The following PEAK1 variants were observed in gnomAD, a reference collection of about 807,000 sequenced individuals.
The protein encoded by PEAK1 is inactive tyrosine-protein kinase PEAK1.
In PEAK1, 54 loss-of-function variants were observed where a neutral mutation model predicts 124.7. The ratio of observed to expected loss-of-function variants is 0.43; its 90% confidence interval spans 0.35 to 0.54. PEAK1 has a LOEUF of 0.54. Ranked by LOEUF, PEAK1 falls within the 20% of genes least tolerant of loss-of-function variation. The pLI is 0.01. For missense variants in PEAK1, 2,046 were observed against 2,134.5 expected (o/e 0.96, Z 0.82); for synonymous variants, 719 against 760.0 (o/e 0.95, Z 0.89).
intron 2 of PEAK1, among the ~76,000 whole-genome samples, chr15:77,322,081 C>T (rs1173323922): frequency 5.3e-5 from 8 of 152,030 alleles, no homozygotes; most frequent in Admixed American, 2.0e-4. Flanking sequence ...TTGAAACCAA[C>T]GAGAACAAAG....
intron 5 of PEAK1, among the ~76,000 whole-genome samples, chr15:77,259,559 C>T (rs1436708404): frequency 1.3e-5 from 2 of 152,122 alleles, no homozygotes; most frequent in African/African-American, 4.8e-5. Flanking sequence ...TTCTTGGGAG[C>T]TTCTGAATTC....
intron 2 of PEAK1, among the ~76,000 whole-genome samples, chr15:77,340,177 T>G (rs147873606): frequency 1.3e-5 from 2 of 152,336 alleles, no homozygotes; most frequent in Non-Finnish European, 2.9e-5. Flanking sequence ...CATGCAAATG[T>G]TTATAGAAGT....
intron 2 of PEAK1, among the ~76,000 whole-genome samples, chr15:77,339,275 T>G (rs958829100): frequency 2.1e-4 from 32 of 151,976 alleles, no homozygotes; most frequent in East Asian, 1.9e-4. Flanking sequence ...CACACCCAGC[T>G]AGTTTTTTTG....
intron 5 of PEAK1, among the ~76,000 whole-genome samples, chr15:77,279,938 CAA>C (rs1426808807): frequency 6.6e-6 from 1 of 151,948 alleles, no homozygotes; most frequent in Non-Finnish European, 1.5e-5. Flanking sequence ...AGATTTTGAC[CAA>C]AAAGGGAAAG....
At chr15:77,139,120 A>C (rs1433581756) in intron 8 of PEAK1, among the ~76,000 whole-genome samples, 2 of 152,134 alleles carry the variant, frequency 1.3e-5, no homozygotes, top group Non-Finnish European at 2.9e-5. Flanking sequence ...AAAAAGCACC[A>C]TGTGAAGACA....
chr15:77,415,241 G>A (rs1260298673), intron 1 of PEAK1, among the ~76,000 whole-genome samples: 1 of 152,182 alleles, frequency 6.6e-6, no homozygotes, highest in Non-Finnish European at 1.5e-5. Context: ...TCCTAGTCAT[G>A]TAACTAACAA....
chr15:77,149,086 G>C lies in PEAK1; in HGVS notation c.3331+9417C>G, dbSNP rs191858856. ...TCACTATTCCTTCATTTTGGATGAGGAAATTGAAGCTCAGGGATGTTAAAT... is the reference window on the plus strand; with the variant it reads ...TCACTATTCCTTCATTTTGGATGAGCAAATTGAAGCTCAGGGATGTTAAAT... On this transcript the variant is annotated intron_variant, in intron 8 of 9. Coordinates refer to ENST00000682557, the MANE Select transcript of PEAK1 (RefSeq NM_001385026.1). Among the ~76,000 whole-genome samples, 6 of 152,272 alleles carry C rather than the reference G, an allele frequency of 3.9e-5. No individual in the cohort carries two copies. The South Asian group carries it at 1.2e-3, about 32-fold the overall frequency.
intron 8 of PEAK1, among the ~76,000 whole-genome samples, chr15:77,142,596 G>A (rs1309051088): frequency 2.0e-5 from 3 of 152,136 alleles, no homozygotes; most frequent in African/African-American, 7.2e-5. Flanking sequence ...ATTAAATGTG[G>A]TACACCCATA....
intron 7 of PEAK1, among the ~76,000 whole-genome samples, chr15:77,176,093 G>T (rs1348989622): frequency 6.6e-6 from 1 of 151,742 alleles, no homozygotes; most frequent in Non-Finnish European, 1.5e-5. Context: ...CACACTCTGT[G>T]GACTGTTGTG....
At chr15:77,256,079 A>T (rs1224289567) in intron 5 of PEAK1, among the ~76,000 whole-genome samples, 1 of 152,152 alleles carries the variant, frequency 6.6e-6, no homozygotes, top group African/African-American at 2.4e-5. Context: ...CTTTCTGTTC[A>T]TGAGTACCCA....
intron 2 of PEAK1, among the ~76,000 whole-genome samples, chr15:77,329,306 A>T (rs1406529865): frequency 6.6e-6 from 1 of 152,146 alleles, no homozygotes; most frequent in Non-Finnish European, 1.5e-5. Flanking sequence ...ATATTACAGG[A>T]CTCAACCTTA....
intron 5 of PEAK1, among the ~76,000 whole-genome samples, chr15:77,266,708 AG>A (rs2061753526): frequency 6.6e-6 from 1 of 152,226 alleles, no homozygotes; most frequent in African/African-American, 2.4e-5. Context: ...AATGGTAGAT[AG>A]AAGGCAGGAC....
rs1366257522 is a variant in PEAK1 at position 77,114,128 on chromosome 15, T to C, written c.*28A>G. On this transcript the variant is annotated 3_prime_UTR_variant, in exon 10 of 10. Transcript: ENST00000682557. ...ATGGGTGACATGAAGAAGGTGAAGA[T>C]GTAGTAAAAGCATCATCCAGGTACA... 5.0e-6 allele frequency: 8 copies of C among 1,598,962 alleles called. No individual in the cohort carries two copies. Among genetic ancestry groups the C allele is most frequent in the Admixed American group, 1.7e-5 (1 of 59,648 alleles).
chr15:77,264,379 C>G (rs2061604741), intron 5 of PEAK1, among the ~76,000 whole-genome samples: 1 of 152,158 alleles, frequency 6.6e-6, no homozygotes, highest in Admixed American at 6.5e-5. Flanking sequence ...CCAAAATCTC[C>G]TAAAGCTGAT....
At chr15:77,402,510 G>A in intron 1 of PEAK1, 1 of 958,662 alleles carries the variant, frequency 1.0e-6, no homozygotes, top group South Asian at 4.8e-5. Flanking sequence ...AAAATTATTA[G>A]TATATAATTA....
At chr15:77,274,430 A>G (rs1171454807) in intron 5 of PEAK1, among the ~76,000 whole-genome samples, 2 of 152,048 alleles carry the variant, frequency 1.3e-5, no homozygotes, top group Non-Finnish European at 2.9e-5. Flanking sequence ...GAAAAAAAAA[A>G]TCCCATCAAG....
intron 8 of PEAK1, chr15:77,155,818 T>A (rs1290326923): frequency 2.0e-5 from 3 of 153,534 alleles, no homozygotes; most frequent in African/African-American, 7.2e-5. Flanking sequence ...GAACAGTGGA[T>A]TTTGGTGACC....
Position 77,133,151 on chromosome 15 carries a change from C to T in PEAK1, c.3931G>A (p.Ala1311Thr). 6.2e-7 allele frequency: 1 copy of T among 1,614,194 alleles called. No individual in the cohort carries two copies. The highest frequency in any genetic ancestry group is 2.2e-5 in the East Asian group (1 of 44,886). Residue 1311 changes from alanine to threonine, a missense_variant, in exon 9 of 10, where the codon GCT becomes ACT. Coordinates refer to ENST00000682557, the MANE Select transcript of PEAK1 (RefSeq NM_001385026.1). This position sits in a 1 kb window ranked among gnomAD's most constrained non-coding sequence, Gnocchi z 4.2. ...LAVKCEDLFM[A>T]GQKDQLRFGV... ...AAACGGAGCTGGTCTTTCTGCCCAG[C>T]CATGAAAAGGTCTTCGCATTTAACA...
rs1256557914 is a variant in PEAK1, at chr15:77,180,265, T to G, written c.1662A>C (p.Gly554=). The stretch of plus-strand genomic sequence containing the variant: ...TCCTTGGAGGAACATTTGGTCCAGT[T>G]CCACTAGTAATTAGTTCTACTTTAG... ...KIPKVELITS[G]TGPNVPPRKN... is the part of the protein sequence containing the mutation. The change falls in exon 7 of 10, where the codon GGA becomes GGC. Residue 554 remains glycine, a synonymous_variant. Coordinates refer to ENST00000682557, the MANE Select transcript of PEAK1 (RefSeq NM_001385026.1). The G allele has an allele frequency of 1.9e-6, 3 of 1,614,080 alleles. No homozygotes were observed. The highest frequency in any genetic ancestry group is 2.5e-6 in the Non-Finnish European group (3 of 1,180,032).
Sources: allele counts gnomAD v4.1 joint callset (sites outside exome capture counted in the v4.1 genomes callset), GRCh38; gene constraint gnomAD v4.1.1; non-coding constraint Gnocchi (gnomAD v3.1); transcripts MANE v1.5; gene names NCBI Gene and HGNC (gene_info 2026-07-23, HGNC 2026-07-21).